Variants in SLC8A1 observed in about 807,000 individuals in gnomAD.
The protein encoded by SLC8A1 is sodium/calcium exchanger 1.
In SLC8A1, 18 loss-of-function variants were observed where a neutral mutation model predicts 68.3. The ratio of observed to expected loss-of-function variants is 0.26; its 90% CI spans 0.18 to 0.39. The LOEUF (loss-of-function observed/expected upper bound fraction) is 0.39. Among genes scored for constraint, SLC8A1 ranks in the 10% least tolerant of loss-of-function variants. The pLI is 1.00. For missense variants in SLC8A1, 985 were observed against 1,156.7 expected (o/e 0.85, Z 2.15); for synonymous variants, 475 against 415.5 (o/e 1.14, Z -1.74).
At chr2:40,315,432 C>T (rs1285332181) in intron 2 of SLC8A1, among the ~76,000 whole-genome samples, 2 of 145,024 alleles carry the variant, frequency 1.4e-5, no homozygotes, top group Non-Finnish European at 1.5e-5. Context: ...ATTTTCTTTC[C>T]TAAGAATTTT....
intron 2 of SLC8A1, among the ~76,000 whole-genome samples, chr2:40,421,024 G>C (rs1454583976): frequency 6.6e-6 from 1 of 152,002 alleles, no homozygotes; most frequent in Non-Finnish European, 1.5e-5. Context: ...TTTAAGAATA[G>C]CATGAAACTT....
chr2:40,369,709 A>T (rs1677402092), intron 2 of SLC8A1, among the ~76,000 whole-genome samples: 1 of 151,980 alleles, frequency 6.6e-6, no homozygotes, highest in South Asian at 2.1e-4. Flanking sequence ...AGTAAACTGG[A>T]TTTTCTTTAG....
At chr2:40,139,151 C>T (rs966518404) in intron 7 of SLC8A1, among the ~76,000 whole-genome samples, 1 of 152,140 alleles carries the variant, frequency 6.6e-6, no homozygotes, top group Non-Finnish European at 1.5e-5. Flanking sequence ...AATCTGGTCT[C>T]TTACAGGCCG....
At chr2:40,416,947 G>A (rs534344393) in intron 2 of SLC8A1, among the ~76,000 whole-genome samples, 11 of 151,984 alleles carry the variant, frequency 7.2e-5, no homozygotes, top group African/African-American at 2.7e-4. Context: ...TTTTCCCACT[G>A]GAAAAGGGTA....
chr2:40,389,782 G>T (rs1038162885), intron 2 of SLC8A1, among the ~76,000 whole-genome samples: 4 of 150,734 alleles, frequency 2.7e-5, no homozygotes, highest in Non-Finnish European at 4.4e-5. Context: ...TTTTTTTTAT[G>T]ATGGACACTT....
At chr2:40,244,674 G>C (rs948370722) in intron 2 of SLC8A1, among the ~76,000 whole-genome samples, 3 of 151,708 alleles carry the variant, frequency 2.0e-5, no homozygotes, top group Non-Finnish European at 4.4e-5. Flanking sequence ...TCCTACTGCT[G>C]GATATTTCTA....
At chr2:40,465,030 G>C (rs1027872125) in intron 1 of SLC8A1, among the ~76,000 whole-genome samples, 1 of 152,164 alleles carries the variant, frequency 6.6e-6, no homozygotes, top group Non-Finnish European at 1.5e-5. Flanking sequence ...AGGAAAAAGG[G>C]CGGGTGAGAG....
intron 4 of SLC8A1, among the ~76,000 whole-genome samples, chr2:40,171,588 TATAATTTC>T (rs1347805659): frequency 6.6e-6 from 1 of 152,204 alleles, no homozygotes; most frequent in Admixed American, 6.5e-5. Flanking sequence ...GGGTTCAATG[TATAATTTC>T]AAGATGCAGG....
chr2:40,275,330 C>T (rs543996665), intron 2 of SLC8A1, among the ~76,000 whole-genome samples: 36 of 152,332 alleles, frequency 2.4e-4, no homozygotes, highest in Non-Finnish European at 2.5e-4. Context: ...AACTTATGTT[C>T]TTAACTTATC....
At chr2:40,380,015 T>C (rs914080438) in intron 2 of SLC8A1, among the ~76,000 whole-genome samples, 3 of 152,130 alleles carry the variant, frequency 2.0e-5, no homozygotes, top group Non-Finnish European at 4.4e-5. Flanking sequence ...TGATACCACA[T>C]GTCAGCACAT....
chr2:40,303,812 C>G (rs886785124), intron 2 of SLC8A1, among the ~76,000 whole-genome samples: 1 of 152,160 alleles, frequency 6.6e-6, no homozygotes, highest in African/African-American at 2.4e-5. Flanking sequence ...TGAGATAAGC[C>G]TGAGACATAC....
intron 2 of SLC8A1, among the ~76,000 whole-genome samples, chr2:40,307,573 G>A (rs1304605511): frequency 6.6e-6 from 1 of 152,122 alleles, no homozygotes. Flanking sequence ...AAATAATTCA[G>A]CGAAAGGAAA....
chr2:40,381,609 A>G (rs1472818907), intron 2 of SLC8A1, among the ~76,000 whole-genome samples: 1 of 152,006 alleles, frequency 6.6e-6, no homozygotes, highest in Non-Finnish European at 1.5e-5. Flanking sequence ...ATCTCTGATA[A>G]CTATGAAATG....
intron 2 of SLC8A1, among the ~76,000 whole-genome samples, chr2:40,238,414 C>A (rs1420567941): frequency 7.1e-6 from 1 of 141,750 alleles, no homozygotes; most frequent in African/African-American, 2.7e-5. Flanking sequence ...AGGGAAACTC[C>A]CTGACCCCTT....
intron 4 of SLC8A1, among the ~76,000 whole-genome samples, 179 bp from the exon 7 acceptor site, chr2:40,170,528 G>A (rs1268443010): frequency 1.3e-5 from 2 of 152,182 alleles, no homozygotes; most frequent in Non-Finnish European, 2.9e-5. Context: ...AGCTCTGGTG[G>A]AAGTTACTGA....
At chr2:40,127,319 C>G (rs916280269) in intron 7 of SLC8A1, among the ~76,000 whole-genome samples, 2 of 152,084 alleles carry the variant, frequency 1.3e-5, no homozygotes, top group African/African-American at 2.4e-5. Context: ...CCCATTTCTC[C>G]CCAAAGCACA....
intron 2 of SLC8A1, among the ~76,000 whole-genome samples, chr2:40,349,792 G>T (rs1670490419): frequency 6.6e-6 from 1 of 151,950 alleles, no homozygotes; most frequent in African/African-American, 2.4e-5. Context: ...TTTAATATTA[G>T]AATTATACAT....
At chr2:40,362,043 C>T (rs1014216897) in intron 2 of SLC8A1, among the ~76,000 whole-genome samples, 4 of 151,260 alleles carry the variant, frequency 2.6e-5, no homozygotes, top group African/African-American at 9.7e-5. Context: ...TACAGGCATG[C>T]ACCACCATGC....
intron 2 of SLC8A1, among the ~76,000 whole-genome samples, chr2:40,370,888 C>T (rs1454369885): frequency 6.6e-6 from 1 of 151,996 alleles, no homozygotes; most frequent in African/African-American, 2.4e-5. Flanking sequence ...AAAGTAAACC[C>T]CAAAGCTCAT....
Sources: gnomAD v4.1 joint callset for allele counts (sites outside exome capture counted in the v4.1 genomes callset) on GRCh38, gnomAD v4.1.1 for gene constraint, MANE v1.5 for transcripts, NCBI Gene and HGNC (gene_info 2026-07-23, HGNC 2026-07-21) for gene names.